PLEKHA6: variants seen among roughly 807,000 people sequenced by gnomAD.
PLEKHA6 encodes the protein pleckstrin homology domain-containing family A member 6.
A neutral mutation model predicts 116.7 loss-of-function variants in PLEKHA6; 60 were observed. The observed-to-expected ratio is 0.51, with a 90% CI of 0.42 to 0.64. The LOEUF is 0.64. Ranked by LOEUF, PLEKHA6 falls within the 30% of genes least tolerant of loss-of-function variation. The pLI is 0.00. For synonymous variants in PLEKHA6, 489 were observed against 556.1 expected, an observed-to-expected ratio of 0.88 and a Z score of 1.70; for missense variants, 1,338 against 1,422.7, an observed-to-expected ratio of 0.94 and a Z score of 0.96.
rs774698504 is a variant in PLEKHA6 at position 204,223,419 on chromosome 1, C to T, written c.*8+43G>A. 4 of 1,102,902 alleles carry T rather than the reference C, an allele frequency of 3.6e-6. No homozygotes were observed. Among genetic ancestry groups the T allele is most frequent in the South Asian group, 2.7e-5 (2 of 75,298 alleles). 68.3% of individuals were successfully genotyped at this position (1,102,902 alleles called of 1,614,324 possible). A position where few individuals can be genotyped will look rare whatever the true frequency, so the allele number is the denominator to read the frequency against. ...GGCTCAATGGGGGTGAAGGAAGGGGCCCCACTCCCGAGGTGGATGAAATAC... is the reference window on the plus strand; with the variant it reads ...GGCTCAATGGGGGTGAAGGAAGGGGTCCCACTCCCGAGGTGGATGAAATAC... On this transcript the variant is annotated intron_variant, in intron 22 of 22. Transcript: ENST00000272203. The surrounding 1 kb of genome is among the most constrained non-coding windows in gnomAD (Gnocchi z 4.8).
intron 1 of PLEKHA6, among the ~76,000 whole-genome samples, chr1:204,347,984 C>A (rs940630438): frequency 5.6e-4 from 85 of 152,274 alleles, no homozygotes; most frequent in African/African-American, 1.9e-3. Context: ...CCCACCATCT[C>A]CCCAGCCTCT....
chr1:204,283,059 GC>G (rs1466390321), intron 1 of PLEKHA6, among the ~76,000 whole-genome samples: 1 of 152,200 alleles, frequency 6.6e-6, no homozygotes, highest in East Asian at 1.9e-4. Context: ...TCAAACCCCT[GC>G]CCTTCAGTGG....
intron 1 of PLEKHA6, chr1:204,309,638 T>G: frequency 1.6e-6 from 1 of 640,380 alleles, no homozygotes; most frequent in African/African-American, 2.0e-5. Flanking sequence ...AAAAATGCAC[T>G]TCTCAGAATG....
At chr1:204,289,693 G>A (rs1038324477) in intron 1 of PLEKHA6, among the ~76,000 whole-genome samples, 2 of 152,198 alleles carry the variant, frequency 1.3e-5, no homozygotes, top group Non-Finnish European at 2.9e-5. Context: ...TACAGTCACA[G>A]CTACTGTAGA....
At chr1:204,239,422 G>C (rs912837018) in intron 17 of PLEKHA6, among the ~76,000 whole-genome samples, 3 of 152,288 alleles carry the variant, frequency 2.0e-5, no homozygotes, top group African/African-American at 7.2e-5. Flanking sequence ...CTTCCATCAT[G>C]GAAAGGGCAG....
chr1:204,226,850 C>G (rs879920664), intron 21 of PLEKHA6, among the ~76,000 whole-genome samples: 23 of 152,328 alleles, frequency 1.5e-4, no homozygotes, highest in Non-Finnish European at 3.2e-4. Context: ...TCTATTTCTA[C>G]TTCATCTATT....
intron 3 of PLEKHA6, among the ~76,000 whole-genome samples, 187 bp downstream of exon 3, chr1:204,273,439 T>C (rs1000408454): frequency 6.6e-6 from 1 of 152,224 alleles, no homozygotes; most frequent in African/African-American, 2.4e-5. Context: ...GTTGGTCTTC[T>C]ACGAGGTTCT....
chr1:204,342,837 A>C (rs1204735098), intron 1 of PLEKHA6, among the ~76,000 whole-genome samples: 1 of 152,266 alleles, frequency 6.6e-6, no homozygotes, highest in Non-Finnish European at 1.5e-5. Context: ...TGAATGAGCA[A>C]AGAAGAATAA....
chr1:204,289,235 C>T (rs115739066), intron 1 of PLEKHA6, among the ~76,000 whole-genome samples: 627 of 152,244 alleles, frequency 4.1e-3, no homozygotes, highest in African/African-American at 0.014. Flanking sequence ...AAACAGAGTG[C>T]CTTTAAGTAC....
rs567790858 is a variant in PLEKHA6, at chr1:204,259,361, G to A, written c.904C>T (p.Arg302Cys). 3.7e-5 allele frequency: 59 copies of A among 1,614,226 alleles called. No individual in the cohort carries two copies. Among genetic ancestry groups the A allele is most frequent in the African/African-American group, 1.5e-4 (11 of 75,064 alleles). ...TGGGCAATTTTGTCAGGGTTGGTGC[G>A]TGGTGGGAAACTCCGCCGGTGTCCC... ...TGGHRRSFPP[R>C]TNPDKIAQRK... The change falls in exon 8 of 23, where the codon CGC becomes TGC. Residue 302 changes from arginine (R) to cysteine (C), a missense_variant. By Grantham distance (180) the Arg-to-Cys change is radical. Transcript: ENST00000272203. The surrounding 1 kb of genome is among the most constrained non-coding windows in gnomAD (Gnocchi z 4.6).
intron 1 of PLEKHA6, among the ~76,000 whole-genome samples, chr1:204,372,824 T>G (rs1673800494): frequency 6.6e-6 from 1 of 152,146 alleles, no homozygotes; most frequent in South Asian, 2.1e-4. Context: ...ATAGATTAGT[T>G]GCATTTTCCA....
intron 12 of PLEKHA6, 110 bp downstream of exon 12, chr1:204,248,711 G>A: frequency 2.1e-6 from 2 of 964,300 alleles, no homozygotes; most frequent in East Asian, 4.9e-5. Context: ...GGAGTACTCA[G>A]CTCTTGTCCT....
At chr1:204,336,895 C>T (rs576674882) in intron 1 of PLEKHA6, among the ~76,000 whole-genome samples, 1 of 152,330 alleles carries the variant, frequency 6.6e-6, no homozygotes. Context: ...AAGAGGCCTC[C>T]TCCAAGGCTC....
upstream of PLEKHA6, among the ~76,000 whole-genome samples, chr1:204,361,398 T>A (rs1489205524): frequency 6.6e-6 from 1 of 152,096 alleles, no homozygotes; most frequent in African/African-American, 2.4e-5. Flanking sequence ...CTGGTTGGTG[T>A]GAAGGCTGTG....
At chr1:204,301,859 G>A (rs1211801108) in intron 1 of PLEKHA6, among the ~76,000 whole-genome samples, 3 of 152,122 alleles carry the variant, frequency 2.0e-5, no homozygotes, top group Non-Finnish European at 2.9e-5. Context: ...GGCTCTAGTC[G>A]TACATTTTAG....
intron 17 of PLEKHA6, among the ~76,000 whole-genome samples, chr1:204,236,752 T>C (rs1481241097): frequency 6.6e-6 from 1 of 152,194 alleles, no homozygotes; most frequent in East Asian, 1.9e-4. Context: ...GGAAGCCTAC[T>C]GCATTCCTAC....
At chr1:204,230,384 A>C (rs2102431886) in intron 18 of PLEKHA6, 29 bp downstream of exon 18, 1 of 1,529,880 alleles carries the variant, frequency 6.5e-7, no homozygotes, top group African/African-American at 1.4e-5. Flanking sequence ...TGCCAGGCTC[A>C]CGCCTGTGGG....
At chr1:204,370,693 T>C (rs1673756983) in intron 2 of PLEKHA6, among the ~76,000 whole-genome samples, 1 of 152,186 alleles carries the variant, frequency 6.6e-6, no homozygotes, top group Non-Finnish European at 1.5e-5. Flanking sequence ...CTTTCATGTT[T>C]CTCCTCAGTG....
At chr1:204,300,633 C>T (rs1670724064) in intron 1 of PLEKHA6, among the ~76,000 whole-genome samples, 1 of 152,194 alleles carries the variant, frequency 6.6e-6, no homozygotes, top group Non-Finnish European at 1.5e-5. Flanking sequence ...GAGAAGATGT[C>T]AAAGTCAGAG....
Sources: gnomAD v4.1 joint callset for allele counts (sites outside exome capture counted in the v4.1 genomes callset) on GRCh38, gnomAD v4.1.1 for gene constraint, Gnocchi (gnomAD v3.1) non-coding constraint, MANE v1.5 for transcripts, NCBI Gene and HGNC (gene_info 2026-07-23, HGNC 2026-07-21) for gene names.